FRMD4B: variants seen among roughly 807,000 people sequenced by gnomAD.
FRMD4B encodes the protein FERM domain containing 4B.
In FRMD4B, 74 loss-of-function variants were observed where a neutral mutation model predicts 141.5. That is an observed-to-expected ratio of 0.52 (90% CI 0.43 to 0.63). The LOEUF (loss-of-function observed/expected upper bound fraction) is 0.63. FRMD4B is among the 30% of genes least tolerant of loss of function. FRMD4B has a pLI of 0.00. For synonymous variants in FRMD4B, 506 were observed against 467.9 expected, an observed-to-expected ratio of 1.08 and a Z score of -1.05; for missense variants, 1,366 against 1,253.4, an observed-to-expected ratio of 1.09 and a Z score of -1.36.
rs369182351 is a variant in FRMD4B at position 69,193,839 on chromosome 3, A to G, written c.1523T>C (p.Leu508Pro). ...AGCTTCCACCAGCTTTTGTTGTATTAGAAAATTACTCTCCAGTTCTTGCAA... is the reference window on the plus strand; with the variant it reads ...AGCTTCCACCAGCTTTTGTTGTATTGGAAAATTACTCTCCAGTTCTTGCAA... Reference protein sequence around the residue: ...PALQELESNFLIQQKLVEAAK... With the variant: ...PALQELESNFPIQQKLVEAAK... The change falls in exon 17 of 23, where the codon CTA (leucine) becomes CCA (proline). Residue 508 changes from leucine to proline, a missense_variant. Coordinates refer to ENST00000398540, the MANE Select transcript of FRMD4B (RefSeq NM_015123.3). The G allele has an allele frequency of 3.7e-6, 6 of 1,612,874 alleles. No homozygotes were observed. The highest frequency in any genetic ancestry group is 5.1e-6 in the Non-Finnish European group (6 of 1,179,044).
At chr3:69,180,768 G>A in intron 21 of FRMD4B, 131 bp downstream of exon 21, 1 of 631,784 alleles carries the variant, frequency 1.6e-6, no homozygotes, top group Non-Finnish European at 2.8e-6. Context: ...TCTTATTGTG[G>A]GGTTCCACCG....
intron 9 of FRMD4B, among the ~76,000 whole-genome samples, chr3:69,219,804 G>A (rs1010508296): frequency 2.6e-5 from 4 of 152,122 alleles, no homozygotes; most frequent in Non-Finnish European, 5.9e-5. Flanking sequence ...GCCAGTAAGT[G>A]TTGTTCTCCT....
In FRMD4B at chr3:69,474,148, T is replaced by C. The variant is rs116198731; in HGVS notation, c.-128-41387A>G. 9.3e-3 allele frequency among the ~76,000 whole-genome samples: 1,409 copies of C among 152,316 alleles called. 15 individuals are homozygous for C. Among genetic ancestry groups the C allele is most frequent in the South Asian group, 0.025 (121 of 4,832 alleles). On this transcript the variant is annotated intron_variant, in intron 1 of 5. Transcript: ENST00000459638. ...CTCTATTTTCTCATCTTCAGCCTGG[T>C]CTTAGCTCATGTATTGCTACAGAAT...
At chr3:69,446,761 C>A (rs937948395) in intron 1 of FRMD4B, among the ~76,000 whole-genome samples, 1 of 152,186 alleles carries the variant, frequency 6.6e-6, no homozygotes, top group Non-Finnish European at 1.5e-5. Flanking sequence ...TGTGAATATC[C>A]TCATTGTCAC....
intron 1 of FRMD4B, among the ~76,000 whole-genome samples, chr3:69,459,667 T>C (rs564537484): frequency 3.0e-4 from 46 of 152,274 alleles, no homozygotes; most frequent in African/African-American, 1.1e-3. Context: ...AATGAACCAA[T>C]CCCTGCCTCG....
intron 1 of FRMD4B, among the ~76,000 whole-genome samples, chr3:69,491,973 C>A (rs998968775): frequency 2.6e-5 from 4 of 152,178 alleles, no homozygotes; most frequent in Non-Finnish European, 4.4e-5. Flanking sequence ...GCCTCCTCTT[C>A]CCCCTCCTCC....
intron 1 of FRMD4B, among the ~76,000 whole-genome samples, chr3:69,450,384 G>A (rs764048480): frequency 1.1e-4 from 17 of 152,130 alleles, no homozygotes; most frequent in Admixed American, 2.0e-4. Flanking sequence ...AGCTACTTGG[G>A]AGACTGAGGT....
At chr3:69,380,802 T>A (rs1233236535) in intron 1 of FRMD4B, among the ~76,000 whole-genome samples, 1 of 152,158 alleles carries the variant, frequency 6.6e-6, no homozygotes, top group Non-Finnish European at 1.5e-5. Flanking sequence ...TTGCAAGAAA[T>A]TCTATCTTTG....
intron 1 of FRMD4B, chr3:69,535,820 C>A: frequency 4.2e-6 from 2 of 473,792 alleles, no homozygotes; most frequent in Middle Eastern, 8.6e-4. Flanking sequence ...GTGTTTGGCC[C>A]CTGGGCAGCT....
chr3:69,325,928 T>C lies in FRMD4B; in HGVS notation c.163-12411A>G, dbSNP rs191471149. ...AAATGGTTATTTTAATTTGCTTAAGTGCGTACTTCTCTCAAGAAAAAAGTT... is the reference window on the plus strand; with the variant it reads ...AAATGGTTATTTTAATTTGCTTAAGCGCGTACTTCTCTCAAGAAAAAAGTT... On this transcript the variant is annotated intron_variant, in intron 1 of 22. Transcript: ENST00000398540. Among the ~76,000 whole-genome samples, 638 of 152,200 alleles carry C rather than the reference T, an allele frequency of 4.2e-3. 3 individuals are homozygous for C. Among genetic ancestry groups the C allele is most frequent in the Non-Finnish European group, 7.0e-3 (479 of 68,020 alleles).
intron 2 of FRMD4B, among the ~76,000 whole-genome samples, chr3:69,423,978 AG>A (rs1305539659): frequency 6.6e-6 from 1 of 152,186 alleles, no homozygotes. Flanking sequence ...AAATGGACAA[AG>A]TTCCTAAGTG....
At chr3:69,533,141 C>A (rs1229866338) in intron 1 of FRMD4B, among the ~76,000 whole-genome samples, 2 of 152,186 alleles carry the variant, frequency 1.3e-5, no homozygotes, top group Non-Finnish European at 2.9e-5. Context: ...TGATTAAGGA[C>A]AACCTATTTG....
At chr3:69,176,027 G>A (rs1380841437) in intron 22 of FRMD4B, among the ~76,000 whole-genome samples, 3 of 152,090 alleles carry the variant, frequency 2.0e-5, no homozygotes, top group Admixed American at 6.6e-5. Flanking sequence ...TGATCCGCCC[G>A]CCTCGGCCTC....
At chr3:69,220,546 T>G (rs1174540480) in intron 9 of FRMD4B, among the ~76,000 whole-genome samples, 20 of 152,164 alleles carry the variant, frequency 1.3e-4, no homozygotes, top group Admixed American at 1.3e-3. Context: ...ACAGAAGGTG[T>G]GTTTTGATAA....
At chr3:69,433,355 C>T (rs755557898) in intron 1 of FRMD4B, among the ~76,000 whole-genome samples, 3 of 152,236 alleles carry the variant, frequency 2.0e-5, no homozygotes, top group Non-Finnish European at 4.4e-5. Context: ...CCACTTCAGT[C>T]AATAAGCATG....
chr3:69,262,075 T>C (rs1477862112), intron 5 of FRMD4B, among the ~76,000 whole-genome samples: 2 of 151,990 alleles, frequency 1.3e-5, no homozygotes, highest in African/African-American at 4.8e-5. Context: ...CAAGCGATTC[T>C]CATGCCTCAG....
chr3:69,189,157 G>C (rs1203989923), intron 18 of FRMD4B, among the ~76,000 whole-genome samples: 1 of 149,446 alleles, frequency 6.7e-6, no homozygotes, highest in Non-Finnish European at 1.5e-5. Flanking sequence ...GGGAGGCAGA[G>C]GTTGCAGTGA....
At chr3:69,512,113 GAGA>G (rs758370027) in intron 1 of FRMD4B, among the ~76,000 whole-genome samples, 11 of 152,194 alleles carry the variant, frequency 7.2e-5, no homozygotes, top group Non-Finnish European at 1.5e-4. Flanking sequence ...AAGCAAGAGA[GAGA>G]AGAAGCTGCA....
At position 69,385,913 on chromosome 3, in the gene FRMD4B, G is replaced by C. The variant is rs1475445477; in HGVS notation, c.77C>G (p.Ser26Cys). ...CTCCGTGTACCATCTCCGCAGCGTG[G>C]ACACGGTCAAGTTCCATACGAAGCG... ...GSRFVWNLTVSTLRRWYTERL... is the reference protein window; with the variant it reads ...GSRFVWNLTVCTLRRWYTERL... Residue 26 changes from serine to cysteine, a missense_variant, in exon 1 of 23, where the codon TCC becomes TGC. By Grantham distance (112) the Ser-to-Cys change is moderately radical. Coordinates refer to ENST00000398540, the MANE Select transcript of FRMD4B (RefSeq NM_015123.3). 6.2e-7 allele frequency: 1 copy of C among 1,605,192 alleles called. No homozygotes were observed.
Sources: allele counts gnomAD v4.1 joint callset (sites outside exome capture counted in the v4.1 genomes callset), GRCh38; gene constraint gnomAD v4.1.1; transcripts MANE v1.5; gene names NCBI Gene and HGNC (gene_info 2026-07-23, HGNC 2026-07-21).